Variants in PLXNA4 observed in about 807,000 individuals in gnomAD.
PLXNA4 encodes the protein plexin-A4.
PLXNA4 carries 44 observed loss-of-function variants against 191.8 expected under a neutral mutation model. The observed-to-expected ratio is 0.23, with a 90% CI of 0.18 to 0.29. The LOEUF is 0.29. PLXNA4 is among the 10% of genes least tolerant of loss of function. The probability of loss-of-function intolerance (pLI) is 1.00; values close to 1 mark genes in which losing one functional copy is unlikely to be tolerated. For missense variants in PLXNA4, 1,800 were observed against 2,488.8 expected (o/e 0.72, Z 5.89); for synonymous variants, 1,082 against 1,009.5 (o/e 1.07, Z -1.36).
intron 4 of PLXNA4, among the ~76,000 whole-genome samples, chr7:132,251,317 T>C (rs1799243158): frequency 6.6e-6 from 1 of 152,198 alleles, no homozygotes; most frequent in African/African-American, 2.4e-5. Context: ...ACAAAGACTA[T>C]GGCCCCTTCT....
chr7:132,226,250 A>C lies in PLXNA4; in HGVS notation c.1893T>G (p.His631Gln). ...TTGATTTGAGCTGAAGCTGTACGAC[A>C]TGGTGGTCCCCTACAAGGAGAGATG... is the stretch of plus-strand genomic sequence containing the variant. ...PRIITENGDH[H>Q]VVQLQLKSKE... The change falls in exon 8 of 32, where the codon CAT becomes CAG. Residue 631 changes from histidine (H) to glutamine (Q), a missense_variant. His to Gln is a conservative substitution (Grantham distance 24, BLOSUM62 0). Transcript: ENST00000321063. The C allele has an allele frequency of 1.2e-6, 2 of 1,613,424 alleles. No homozygotes were observed. The highest frequency in any genetic ancestry group is 1.7e-6 in the Non-Finnish European group (2 of 1,179,740).
chr7:132,148,641 G>T lies in PLXNA4; in HGVS notation c.4666C>A (p.Arg1556=). The change falls in exon 26 of 32, where the codon CGA becomes AGA. Residue 1556 remains arginine (R), a synonymous_variant. Coordinates refer to ENST00000321063, the MANE Select transcript of PLXNA4 (RefSeq NM_020911.2). ...PKAADMDLEW[R]QGSGARMILQ... ...ATCATCCTTGCCCCACTTCCTTGTC[G>T]CCACTCTGCCAAAAGAGCGGTGGCG... 6.2e-7 allele frequency: 1 copy of T among 1,613,996 alleles called. No individual in the cohort carries two copies. Among genetic ancestry groups the T allele is most frequent in the East Asian group, 2.2e-5 (1 of 44,870 alleles).
At chr7:132,294,024 A>T (rs1800986476) in intron 4 of PLXNA4, among the ~76,000 whole-genome samples, 1 of 152,248 alleles carries the variant, frequency 6.6e-6, no homozygotes, top group African/African-American at 2.4e-5. Flanking sequence ...AAAACAAAAA[A>T]TCATATTCTT....
At chr7:132,530,458 T>C (rs1799579638) in intron 1 of PLXNA4, among the ~76,000 whole-genome samples, 2 of 152,186 alleles carry the variant, frequency 1.3e-5, no homozygotes, top group Non-Finnish European at 2.9e-5. Context: ...TAAAGAGATG[T>C]TTCTCCAAAG....
At chr7:132,388,572 T>A (rs1282858652) in intron 3 of PLXNA4, among the ~76,000 whole-genome samples, 1 of 152,224 alleles carries the variant, frequency 6.6e-6, no homozygotes, top group Non-Finnish European at 1.5e-5. Flanking sequence ...GTCTTTTCTG[T>A]GTCCTGACCA....
chr7:132,441,529 G>A (rs1047327958), intron 3 of PLXNA4, among the ~76,000 whole-genome samples: 21 of 152,160 alleles, frequency 1.4e-4, no homozygotes, highest in African/African-American at 4.3e-4. Flanking sequence ...GTTGCGCTCC[G>A]AAGCACAGGA....
At chr7:132,227,400 A>AGCCAGGAGTTCC in intron 7 of PLXNA4, 51 bp downstream of exon 7, 1 of 1,610,714 alleles carries the variant, frequency 6.2e-7, no homozygotes, top group Non-Finnish European at 8.5e-7. Flanking sequence ...AGTTCTCCTT[A>AGCCAGGAGTTCC]TCTAGCCAGG....
At chr7:132,572,942 G>T (rs536411709) in intron 1 of PLXNA4, among the ~76,000 whole-genome samples, 2 of 152,124 alleles carry the variant, frequency 1.3e-5, no homozygotes, top group African/African-American at 2.4e-5. Flanking sequence ...TTAAAATGCC[G>T]CTTTTAAATA....
At chr7:132,587,538 T>C (rs1005409262) in intron 2 of PLXNA4, among the ~76,000 whole-genome samples, 1 of 152,216 alleles carries the variant, frequency 6.6e-6, no homozygotes, top group Non-Finnish European at 1.5e-5. Context: ...TTGAGACGTT[T>C]GTTGTTCTGT....
At chr7:132,459,109 G>A (rs535963346) in intron 3 of PLXNA4, among the ~76,000 whole-genome samples, 1 of 152,166 alleles carries the variant, frequency 6.6e-6, no homozygotes, top group South Asian at 2.1e-4. Flanking sequence ...GAGCACGACC[G>A]AACCAGAGCC....
Position 132,407,068 on chromosome 7 carries a change from T to A in PLXNA4, c.1371+82224A>T, listed in dbSNP as rs576510671. On this transcript the variant is annotated intron_variant, in intron 3 of 31. Coordinates refer to ENST00000321063, the MANE Select transcript of PLXNA4 (RefSeq NM_020911.2). ...AGTCTGGGATAGAAGGGCATTCTAG[T>A]AATAGCTACACTGATGGCCCTGACT... Among the ~76,000 whole-genome samples, 35 of 152,306 alleles carry A rather than the reference T, an allele frequency of 2.3e-4. No homozygotes were observed. The South Asian group carries it at 6.8e-3, about 30-fold the overall frequency.
chr7:132,151,044 T>C (rs1012571487), intron 25 of PLXNA4, among the ~76,000 whole-genome samples: 1 of 152,122 alleles, frequency 6.6e-6, no homozygotes, highest in Admixed American at 6.5e-5. Flanking sequence ...CAAAAGCCAA[T>C]ATGGAGAGAG....
intron 18 of PLXNA4, 124 bp from the exon 19 acceptor site, chr7:132,180,856 G>C: frequency 2.8e-6 from 4 of 1,440,878 alleles, no homozygotes; most frequent in Non-Finnish European, 3.7e-6. Flanking sequence ...GCCACCTTTG[G>C]TAATAAGTGC....
Position 132,146,703 on chromosome 7 carries a change from G to C in PLXNA4, c.4865-3C>G. The C allele has an allele frequency of 6.2e-7, 1 of 1,613,848 alleles. No homozygotes were observed. The highest frequency in any genetic ancestry group is 1.1e-5 in the South Asian group (1 of 91,054). On this transcript the variant is annotated splice_region_variant and splice_polypyrimidine_tract_variant and intron_variant, in intron 27 of 31. Coordinates refer to ENST00000321063, the MANE Select transcript of PLXNA4 (RefSeq NM_020911.2). ...GCCCGTGTACCGGATCATGTTTTCT[G>C]CCAAGGCAAGGATCACCCCCCGACA...
chr7:132,557,606 CA>C (rs1353808575), intron 1 of PLXNA4, among the ~76,000 whole-genome samples: 1 of 151,352 alleles, frequency 6.6e-6, no homozygotes, highest in Admixed American at 6.6e-5. Flanking sequence ...CCAAAGACAA[CA>C]GGAAGTCAGC....
At chr7:132,418,898 A>G (rs568430320) in intron 3 of PLXNA4, among the ~76,000 whole-genome samples, 8 of 152,184 alleles carry the variant, frequency 5.3e-5, no homozygotes, top group Non-Finnish European at 1.2e-4. Context: ...GGCTGGGGCC[A>G]GTGATTTGTT....
At chr7:132,523,105 C>T (rs865799811) in intron 1 of PLXNA4, among the ~76,000 whole-genome samples, 2 of 152,046 alleles carry the variant, frequency 1.3e-5, no homozygotes, top group African/African-American at 4.8e-5. Flanking sequence ...GACTCTACAC[C>T]GGGAACCTAC....
chr7:132,281,284 TG>T (rs1242387991), intron 4 of PLXNA4, among the ~76,000 whole-genome samples: 1 of 152,216 alleles, frequency 6.6e-6, no homozygotes, highest in Non-Finnish European at 1.5e-5. Context: ...TTGTTGGCTG[TG>T]CTGAATAAAT....
At chr7:132,593,141 T>G (rs112840967) in intron 2 of PLXNA4, among the ~76,000 whole-genome samples, 8 of 152,298 alleles carry the variant, frequency 5.3e-5, no homozygotes, top group African/African-American at 1.9e-4. Context: ...TTTAACAAGA[T>G]AAAATCGCTG....
Sources: allele counts gnomAD v4.1 joint callset (sites outside exome capture counted in the v4.1 genomes callset), GRCh38; gene constraint gnomAD v4.1.1; transcripts MANE v1.5; gene names NCBI Gene and HGNC (gene_info 2026-07-23, HGNC 2026-07-21).